The following CNTNAP2 variants were observed in gnomAD, a reference collection of about 807,000 sequenced individuals.
CNTNAP2 encodes the protein contactin-associated protein-like 2.
A neutral mutation model predicts 155.2 loss-of-function variants in CNTNAP2; 98 were observed. The ratio of observed to expected loss-of-function variants is 0.63; its 90% confidence interval spans 0.54 to 0.75. The LOEUF is 0.75. Among genes scored for constraint, CNTNAP2 ranks in the 30% least tolerant of loss-of-function variants. The pLI is 0.00. For missense variants in CNTNAP2, 1,727 were observed against 1,688.1 expected, an observed-to-expected ratio of 1.02 and a Z score of -0.40; for synonymous variants, 651 against 631.2, an observed-to-expected ratio of 1.03 and a Z score of -0.47.
At chr7:147,583,503 C>CATATATATATATATATATATAT (rs71183019) in intron 12 of CNTNAP2, among the ~76,000 whole-genome samples, 1 of 129,166 alleles carries the variant, frequency 7.7e-6, no homozygotes, top group African/African-American at 3.0e-5. Flanking sequence ...AAAGACATGA[C>CATATATATATATATATATATAT]ATATATATAT....
intron 12 of CNTNAP2, among the ~76,000 whole-genome samples, chr7:147,567,125 C>A (rs1800190432): frequency 6.6e-6 from 1 of 152,064 alleles, no homozygotes; most frequent in South Asian, 2.1e-4. Flanking sequence ...GCATAGACAG[C>A]ATAGGGGAGC....
intron 1 of CNTNAP2, among the ~76,000 whole-genome samples, chr7:146,573,599 G>A (rs1203991830): frequency 6.6e-6 from 1 of 152,156 alleles, no homozygotes. Context: ...GTTTAAATGT[G>A]CTGTCCTACA....
Position 146,342,550 on chromosome 7 carries a change from C to G in CNTNAP2, c.97+225577C>G, listed in dbSNP as rs574563054. Among the ~76,000 whole-genome samples the G allele has an allele frequency of 2.6e-5, 4 of 152,246 alleles. No individual in the cohort carries two copies. The East Asian group carries it at 5.8e-4, about 22-fold the overall frequency. ...TTGTATGTATATGCATGATAAAAAT[C>G]TATCACTAATTAAGGGTAAAAAACT... On this transcript the variant is annotated intron_variant, in intron 1 of 23. Coordinates refer to ENST00000361727, the MANE Select transcript of CNTNAP2 (RefSeq NM_014141.6).
At chr7:147,621,969 A>C (rs1794866396) in intron 12 of CNTNAP2, among the ~76,000 whole-genome samples, 1 of 152,028 alleles carries the variant, frequency 6.6e-6, no homozygotes, top group Admixed American at 6.6e-5. Context: ...AAACCAAAAA[A>C]AGAAAAAGAG....
chr7:146,455,216 A>G (rs2129123201), intron 1 of CNTNAP2, among the ~76,000 whole-genome samples: 1 of 152,364 alleles, frequency 6.6e-6, no homozygotes, highest in East Asian at 1.9e-4. Flanking sequence ...ATACCCTTGC[A>G]GAGAACAGTA....
chr7:148,351,744 C>CAAAAAAAA lies in CNTNAP2; in HGVS notation c.3476-31896_3476-31889dup, dbSNP rs71188974. Among the ~76,000 whole-genome samples, 83 of 85,344 alleles carry CAAAAAAAA rather than the reference C, an allele frequency of 9.7e-4. 4 individuals carry two copies. The highest frequency in any genetic ancestry group is 2.1e-3 in the African/African-American group (41 of 19,498). The allele number at this position is 85,344 out of a possible 152,430, so 56.0% of individuals were successfully genotyped here. ...GGCAACAGAGTGAGACTCTGTCTCA[C>CAAAAAAAA]AAAAAAAAAAAAAAAATAGAAACCG... is the stretch of plus-strand genomic sequence containing the variant. On this transcript the variant is annotated intron_variant, in intron 21 of 23. Transcript: ENST00000361727.
At chr7:147,546,024 C>T (rs1484966960) in intron 11 of CNTNAP2, among the ~76,000 whole-genome samples, 7 of 152,146 alleles carry the variant, frequency 4.6e-5, no homozygotes, top group African/African-American at 1.7e-4. Context: ...TGTGAAGCCT[C>T]CCCAGCCATG....
intron 9 of CNTNAP2, among the ~76,000 whole-genome samples, chr7:147,363,848 T>C (rs2116900438): frequency 1.3e-5 from 2 of 152,378 alleles, no homozygotes; most frequent in African/African-American, 4.8e-5. Flanking sequence ...CATGCAGTTT[T>C]AGAGTTGGTT....
intron 3 of CNTNAP2, among the ~76,000 whole-genome samples, chr7:146,992,319 C>T (rs1798223032): frequency 6.6e-6 from 1 of 152,080 alleles, no homozygotes; most frequent in African/African-American, 2.4e-5. Flanking sequence ...TTCCTATTGC[C>T]AGGTCAAGTA....
intron 3 of CNTNAP2, among the ~76,000 whole-genome samples, chr7:147,018,774 A>G (rs1320827854): frequency 1.3e-5 from 2 of 151,998 alleles, no homozygotes; most frequent in Non-Finnish European, 2.9e-5. Flanking sequence ...AAGAGCCGCT[A>G]TGTTCTAAAT....
At chr7:147,601,483 T>G (rs911026652) in intron 12 of CNTNAP2, among the ~76,000 whole-genome samples, 1 of 151,936 alleles carries the variant, frequency 6.6e-6, no homozygotes, top group African/African-American at 2.4e-5. Flanking sequence ...AGTTAAGGAA[T>G]GAACAGGCCA....
At chr7:146,377,478 C>G (rs969146959) in intron 1 of CNTNAP2, among the ~76,000 whole-genome samples, 1 of 152,102 alleles carries the variant, frequency 6.6e-6, no homozygotes, top group Non-Finnish European at 1.5e-5. Flanking sequence ...ATCTCTGACC[C>G]TGATGGCTCC....
chr7:146,595,079 T>A (rs2129150223), intron 1 of CNTNAP2, among the ~76,000 whole-genome samples: 1 of 152,222 alleles, frequency 6.6e-6, no homozygotes, highest in Admixed American at 6.6e-5. Context: ...TATTTAATTA[T>A]AAGCTCTCAA....
intron 10 of CNTNAP2, among the ~76,000 whole-genome samples, chr7:147,468,952 A>G (rs1798165953): frequency 6.6e-6 from 1 of 151,622 alleles, no homozygotes; most frequent in Non-Finnish European, 1.5e-5. Context: ...GCCATTCGCA[A>G]GCCTCAGCTT....
At chr7:147,110,112 A>T (rs1470458785) in intron 5 of CNTNAP2, among the ~76,000 whole-genome samples, 1 of 151,902 alleles carries the variant, frequency 6.6e-6, no homozygotes, top group Non-Finnish European at 1.5e-5. Context: ...TTTAGTAGAG[A>T]TGGGGTTTCA....
intron 22 of CNTNAP2, among the ~76,000 whole-genome samples, chr7:148,397,936 A>G (rs1299235845): frequency 2.6e-5 from 4 of 152,250 alleles, no homozygotes; most frequent in African/African-American, 9.6e-5. Flanking sequence ...ACAACAATGG[A>G]AGCATATTTA....
At chr7:148,104,310 A>G (rs542978367) in intron 15 of CNTNAP2, among the ~76,000 whole-genome samples, 1 of 152,298 alleles carries the variant, frequency 6.6e-6, no homozygotes, top group Admixed American at 6.5e-5. Context: ...GATCATATCA[A>G]CCCATTACCC....
intron 18 of CNTNAP2, among the ~76,000 whole-genome samples, chr7:148,215,755 A>G (rs1795628416): frequency 1.3e-5 from 2 of 152,072 alleles, no homozygotes; most frequent in African/African-American, 4.8e-5. Context: ...TTAGGGACGA[A>G]ATTGAGGCTG....
intron 13 of CNTNAP2, among the ~76,000 whole-genome samples, chr7:147,708,416 G>A (rs1197261229): frequency 6.6e-6 from 1 of 152,152 alleles, no homozygotes; most frequent in African/African-American, 2.4e-5. Flanking sequence ...CCAGGGATGT[G>A]GTGATGCAGG....
Sources: gnomAD v4.1 joint callset for allele counts (sites outside exome capture counted in the v4.1 genomes callset) on GRCh38, gnomAD v4.1.1 for gene constraint, MANE v1.5 for transcripts, NCBI Gene and HGNC (gene_info 2026-07-23, HGNC 2026-07-21) for gene names.